Variants in USP34 observed in about 807,000 individuals in gnomAD.
USP34 encodes ubiquitin specific peptidase 34.
USP34 carries 70 observed loss-of-function variants against 460.3 expected under a neutral mutation model. The observed-to-expected ratio is 0.15, with a 90% CI of 0.13 to 0.19. The LOEUF is 0.19. USP34 is among the 10% of genes least tolerant of loss of function. The probability of loss-of-function intolerance (pLI) is 1.00; values close to 1 mark genes in which losing one functional copy is unlikely to be tolerated. For synonymous variants in USP34, 1,647 were observed against 1,405.3 expected, an observed-to-expected ratio of 1.17 and a Z score of -3.85; for missense variants, 3,985 against 4,236.2, an observed-to-expected ratio of 0.94 and a Z score of 1.65.
chr2:61,285,358 A>C, intron 34 of USP34, among the ~76,000 whole-genome samples: 1 of 151,872 alleles, frequency 6.6e-6, no homozygotes, highest in Admixed American at 6.6e-5. Context: ...TGTGTGGTGC[A>C]TGTCTACAGT....
intron 5 of USP34, among the ~76,000 whole-genome samples, chr2:61,387,380 G>A (rs1022230114): frequency 1.3e-5 from 2 of 151,714 alleles, no homozygotes; most frequent in Admixed American, 6.6e-5. Context: ...CAGGAGAATC[G>A]CTTGAACCCA....
chr2:61,387,977 A>T (rs77218034), intron 5 of USP34, among the ~76,000 whole-genome samples: 22 of 151,362 alleles, frequency 1.5e-4, no homozygotes, highest in African/African-American at 3.6e-4. Flanking sequence ...ATATAAATAT[A>T]AAAAAAAGGC....
chr2:61,260,779 A>G (rs1409449914), intron 43 of USP34, among the ~76,000 whole-genome samples: 1 of 152,204 alleles, frequency 6.6e-6, no homozygotes, highest in Admixed American at 6.5e-5. Flanking sequence ...GTATCAAAGT[A>G]TTGATTCAGG....
At chr2:61,354,667 T>G (rs1692052420) in intron 10 of USP34, among the ~76,000 whole-genome samples, 1 of 152,152 alleles carries the variant, frequency 6.6e-6, no homozygotes, top group African/African-American at 2.4e-5. Context: ...GAGTAGCTTT[T>G]TTTCACAGCC....
chr2:61,257,910 C>T (rs1239088969), intron 44 of USP34, among the ~76,000 whole-genome samples: 1 of 152,182 alleles, frequency 6.6e-6, no homozygotes, highest in Non-Finnish European at 1.5e-5. Flanking sequence ...AAAACACTCA[C>T]ATCTATATTG....
chr2:61,359,362 A>G (rs551307745), intron 10 of USP34, among the ~76,000 whole-genome samples: 1 of 152,228 alleles, frequency 6.6e-6, no homozygotes, highest in Non-Finnish European at 1.5e-5. Context: ...TTTTTCAACA[A>G]ATGGTGTTAG....
intron 18 of USP34, 52 bp downstream of exon 18, chr2:61,339,299 C>G: frequency 1.3e-6 from 2 of 1,561,918 alleles, no homozygotes; most frequent in Non-Finnish European, 1.7e-6. Context: ...AATGTCCCCC[C>G]ACACCCAAAT....
At chr2:61,229,180 A>G (rs561823276) in intron 59 of USP34, among the ~76,000 whole-genome samples, 185 bp from the exon 60 acceptor site, 27 of 152,322 alleles carry the variant, frequency 1.8e-4, no homozygotes, top group Non-Finnish European at 7.4e-5. Context: ...CCATAAAGTA[A>G]TTTGTAGAGG....
chr2:61,259,996 G>A lies in USP34; in HGVS notation c.5779-220C>T, dbSNP rs558396652. ...GCTATTACTATCTTATAAGGAAACC[G>A]AAGAGAGAATTTTAAAAATCACTTT... On this transcript the variant is annotated intron_variant, in intron 43 of 79. Coordinates refer to ENST00000398571, the MANE Select transcript of USP34 (RefSeq NM_014709.4). Among the ~76,000 whole-genome samples the A allele has an allele frequency of 5.3e-5, 8 of 152,110 alleles. No individual in the cohort carries two copies. The East Asian group carries it at 1.2e-3, about 22-fold the overall frequency.
At chr2:61,337,893 A>G (rs1027430012) in intron 18 of USP34, among the ~76,000 whole-genome samples, 1 of 152,242 alleles carries the variant, frequency 6.6e-6, no homozygotes, top group Non-Finnish European at 1.5e-5. Flanking sequence ...TGGAGAGTAC[A>G]AATTATTGAA....
chr2:61,456,000 C>T (rs996853586), intron 1 of USP34, among the ~76,000 whole-genome samples: 3 of 152,158 alleles, frequency 2.0e-5, no homozygotes, highest in Non-Finnish European at 4.4e-5. Flanking sequence ...CCTACTGCCT[C>T]ATCTGTACTC....
intron 75 of USP34, among the ~76,000 whole-genome samples, chr2:61,198,557 C>CT (rs11340973): frequency 0.028 from 3,868 of 139,528 alleles, 81 homozygotes; most frequent in African/African-American, 0.059. Context: ...ATCTGATAGA[C>CT]TTTTTTTTTT....
chr2:61,258,772 T>G (rs934105915), intron 44 of USP34, among the ~76,000 whole-genome samples: 1 of 152,128 alleles, frequency 6.6e-6, no homozygotes, highest in Admixed American at 6.6e-5. Flanking sequence ...TTTAAAAGAT[T>G]GATCACTTTT....
intron 4 of USP34, 29 bp from the exon 5 acceptor site, chr2:61,395,031 T>C (rs759766451): frequency 7.8e-5 from 121 of 1,557,318 alleles, no homozygotes; most frequent in Non-Finnish European, 9.7e-5. Flanking sequence ...CATGTCATTA[T>C]TTGAAAACGT....
At position 61,189,083 on chromosome 2, in the gene USP34, G is replaced by A; in HGVS notation, c.9874-14C>T. 1 of 1,601,354 alleles carries A rather than the reference G, an allele frequency of 6.2e-7. No individual in the cohort carries two copies. ...TGCCCTCAGGTCCTACAAAAACCCA[G>A]ATAGGAACATTTCAAATTCTAAAGC... On this transcript the variant is annotated splice_polypyrimidine_tract_variant and intron_variant, in intron 78 of 79. Coordinates refer to ENST00000398571, the MANE Select transcript of USP34 (RefSeq NM_014709.4).
chr2:61,333,824 A>G lies in USP34; in HGVS notation c.2834+58T>C, dbSNP rs1691341152. 5.8e-6 allele frequency: 7 copies of G among 1,201,676 alleles called. No homozygotes were observed. The South Asian group carries it at 7.1e-5, about 12-fold the overall frequency. 74.4% of individuals were successfully genotyped at this position (1,201,676 alleles called of 1,614,324 possible). On this transcript the variant is annotated intron_variant, in intron 19 of 79. Transcript: ENST00000398571. Reference sequence around the variant, plus strand: ...CTTGTAGGTTAGTCAAAACCTTTAGATAACTATAATTAGAAAAAAATCTTT... The same window carrying G: ...CTTGTAGGTTAGTCAAAACCTTTAGGTAACTATAATTAGAAAAAAATCTTT...
intron 2 of USP34, among the ~76,000 whole-genome samples, chr2:61,416,539 T>C (rs185969044): frequency 1.3e-5 from 2 of 152,126 alleles, no homozygotes; most frequent in African/African-American, 4.8e-5. Context: ...AACTCAGTTT[T>C]GTAATAAGCT....
At chr2:61,441,059 C>T (rs1374423482) in intron 1 of USP34, among the ~76,000 whole-genome samples, 2 of 149,972 alleles carry the variant, frequency 1.3e-5, no homozygotes, top group Middle Eastern at 3.4e-3. Flanking sequence ...AACTGGGAGG[C>T]GGAGCTTGCA....
At chr2:61,424,499 TCA>T (rs1335409827) in intron 1 of USP34, among the ~76,000 whole-genome samples, 5 of 152,188 alleles carry the variant, frequency 3.3e-5, no homozygotes, top group South Asian at 2.1e-4. Flanking sequence ...GAAATGCGTT[TCA>T]GTTTTGTCAC....
Sources: gnomAD v4.1 joint callset for allele counts (sites outside exome capture counted in the v4.1 genomes callset) on GRCh38, gnomAD v4.1.1 for gene constraint, MANE v1.5 for transcripts, NCBI Gene and HGNC (gene_info 2026-07-23, HGNC 2026-07-21) for gene names.